The following DLC1 variants were observed in gnomAD, a reference collection of about 807,000 sequenced individuals.
The protein encoded by DLC1 is rho GTPase-activating protein 7.
In DLC1, 54 loss-of-function variants were observed where a neutral mutation model predicts 140.3. The ratio of observed to expected loss-of-function variants is 0.38; its 90% CI spans 0.31 to 0.48. The LOEUF (loss-of-function observed/expected upper bound fraction) is 0.48. Among genes scored for constraint, DLC1 ranks in the 20% least tolerant of loss-of-function variants. DLC1 has a pLI of 0.96. For missense variants in DLC1, 2,536 were observed against 1,907.0 expected (o/e 1.33, Z -6.14); for synonymous variants, 986 against 728.1 (o/e 1.35, Z -5.70).
At chr8:13,292,685 T>A (rs750597786) in intron 5 of DLC1, among the ~76,000 whole-genome samples, 21 of 152,218 alleles carry the variant, frequency 1.4e-4, no homozygotes, top group Non-Finnish European at 1.3e-4. Context: ...TGTATTTTTT[T>A]AAATAGAAAA....
intron 2 of DLC1, among the ~76,000 whole-genome samples, chr8:13,448,348 C>A (rs927862022): frequency 1.5e-5 from 2 of 132,904 alleles, no homozygotes; most frequent in Admixed American, 1.4e-4. Flanking sequence ...TTTAAAATTT[C>A]TTCTTCTTCT....
At chr8:13,162,554 C>T (rs1442303136) in intron 5 of DLC1, among the ~76,000 whole-genome samples, 1 of 152,172 alleles carries the variant, frequency 6.6e-6, no homozygotes, top group East Asian at 1.9e-4. Flanking sequence ...AGCTCCTGAC[C>T]TCAGGCGATC....
At chr8:13,395,759 G>C (rs1374514182) in intron 3 of DLC1, among the ~76,000 whole-genome samples, 1 of 136,234 alleles carries the variant, frequency 7.3e-6, no homozygotes, top group African/African-American at 2.6e-5. Flanking sequence ...ATGTGTGTGT[G>C]TGCGTGTGCG....
chr8:13,380,502 A>C (rs1276567173), intron 4 of DLC1, among the ~76,000 whole-genome samples: 2 of 152,192 alleles, frequency 1.3e-5, no homozygotes, highest in African/African-American at 4.8e-5. Context: ...AAATTAAGGA[A>C]CCAAAGGGTG....
chr8:13,578,241 T>C (rs1804916262), intron 1 of DLC1, among the ~76,000 whole-genome samples: 1 of 152,130 alleles, frequency 6.6e-6, no homozygotes, highest in African/African-American at 2.4e-5. Context: ...AATCAAAGGC[T>C]ATCCTTTTTC....
intron 4 of DLC1, among the ~76,000 whole-genome samples, chr8:13,330,033 T>C (rs1833523444): frequency 6.6e-6 from 1 of 152,174 alleles, no homozygotes; most frequent in African/African-American, 2.4e-5. Context: ...GGCATGATCG[T>C]AGCTCACTGC....
intron 5 of DLC1, among the ~76,000 whole-genome samples, chr8:13,215,982 C>T (rs1828183547): frequency 6.6e-6 from 1 of 152,116 alleles, no homozygotes; most frequent in African/African-American, 2.4e-5. Context: ...GGTGTTTCCC[C>T]AGAAAAGTTT....
chr8:13,141,671 T>C (rs531576719), intron 5 of DLC1, among the ~76,000 whole-genome samples: 1 of 152,290 alleles, frequency 6.6e-6, no homozygotes, highest in African/African-American at 2.4e-5. Context: ...AACTACAGCA[T>C]GATGGCCATT....
rs376142418 is a variant in DLC1, at chr8:13,594,324, G to T, written c.-126+10213C>A. On this transcript the variant is annotated intron_variant, in intron 1 of 1. Coordinates refer to the DLC1 transcript ENST00000631382. ...CTGAGACACTGACAGACCTTTCAAT[G>T]CAGCCTACTTCGCTCTGTATCAGTT... Among the ~76,000 whole-genome samples the T allele has an allele frequency of 4.9e-4, 75 of 152,182 alleles. 2 individuals are homozygous for T. The South Asian group carries it at 0.015, about 29-fold the overall frequency.
chr8:13,201,617 G>A (rs79043788), intron 5 of DLC1, among the ~76,000 whole-genome samples: 2,877 of 152,068 alleles, frequency 0.019, 89 homozygotes, highest in African/African-American at 0.066. Flanking sequence ...GCAATTTAAT[G>A]ATTCAGGAGA....
intron 12 of DLC1, among the ~76,000 whole-genome samples, chr8:13,094,083 G>A (rs1264120628): frequency 6.6e-6 from 1 of 152,144 alleles, no homozygotes; most frequent in Admixed American, 6.5e-5. Context: ...CCCTCCAAGA[G>A]GGGTGTGAAG....
Position 13,477,279 on chromosome 8 carries a change from G to A in DLC1, c.1023+21770C>T, listed in dbSNP as rs111792759. ...GTGAAGATATCTTCAAGAAGACAGC[G>A]TGGAAGATGTAGCTTTGGTAATTTA... On this transcript the variant is annotated intron_variant, in intron 2 of 17. Coordinates refer to ENST00000276297, the MANE Select transcript of DLC1 (RefSeq NM_182643.3). Among the ~76,000 whole-genome samples the A allele has an allele frequency of 6.4e-3, 970 of 152,246 alleles. 3 individuals are homozygous for A. The highest frequency in any genetic ancestry group is 0.01 in the African/African-American group (428 of 41,534).
intron 12 of DLC1, among the ~76,000 whole-genome samples, chr8:13,094,252 G>C (rs985788668): frequency 6.6e-6 from 1 of 152,194 alleles, no homozygotes; most frequent in Admixed American, 6.5e-5. Flanking sequence ...TAGAGACTGG[G>C]AAATTTATTT....
chr8:13,553,072 A>G (rs901463444), intron 1 of DLC1, among the ~76,000 whole-genome samples: 4 of 151,350 alleles, frequency 2.6e-5, no homozygotes, highest in Middle Eastern at 3.4e-3. Context: ...TTAATGCAAT[A>G]GTTATCAACA....
chr8:13,368,452 G>A (rs1223986535), intron 4 of DLC1, among the ~76,000 whole-genome samples: 5 of 151,932 alleles, frequency 3.3e-5, no homozygotes, highest in Non-Finnish European at 5.9e-5. Context: ...TTTGCCCCAA[G>A]GAAATCATGA....
At chr8:13,119,914 TA>T (rs34050837) in intron 5 of DLC1, among the ~76,000 whole-genome samples, 1,565 of 134,240 alleles carry the variant, frequency 0.012, 25 homozygotes, top group African/African-American at 0.038. Context: ...AGACTCTATC[TA>T]AAAAAAAAAA....
intron 5 of DLC1, among the ~76,000 whole-genome samples, chr8:13,224,746 A>T (rs921105278): frequency 6.6e-6 from 1 of 152,134 alleles, no homozygotes. Flanking sequence ...GAAGGGCTAG[A>T]TATGGACAGT....
chr8:13,314,784 C>T (rs938807277), intron 4 of DLC1, among the ~76,000 whole-genome samples: 4 of 152,090 alleles, frequency 2.6e-5, no homozygotes, highest in African/African-American at 4.8e-5. Context: ...TATGACAAAC[C>T]GTAATCTTGT....
chr8:13,205,969 A>C (rs115722189), intron 5 of DLC1, among the ~76,000 whole-genome samples: 1,991 of 152,318 alleles, frequency 0.013, 54 homozygotes, highest in African/African-American at 0.045. Flanking sequence ...GGAAGGATCA[A>C]GAAGACTATT....
Sources: allele counts gnomAD v4.1 joint callset (sites outside exome capture counted in the v4.1 genomes callset), GRCh38; gene constraint gnomAD v4.1.1; transcripts MANE v1.5; gene names NCBI Gene and HGNC (gene_info 2026-07-23, HGNC 2026-07-21).